Variants in PPP1R21 observed in about 807,000 individuals in gnomAD.
PPP1R21 encodes the protein protein phosphatase 1 regulatory subunit 21, also known as KLRAQ motif containing 1.
A neutral mutation model predicts 112.8 loss-of-function variants in PPP1R21; 85 were observed. The observed-to-expected ratio is 0.75, with a 90% CI of 0.63 to 0.90. The LOEUF (loss-of-function observed/expected upper bound fraction) is 0.90, where lower values mean the gene tolerates loss of function less well. Among genes scored for constraint, PPP1R21 ranks in the 40% least tolerant of loss-of-function variants. PPP1R21 has a pLI of 0.00. For missense variants in PPP1R21, 1,199 were observed against 901.5 expected, an observed-to-expected ratio of 1.33 and a Z score of -4.23; for synonymous variants, 381 against 322.3, an observed-to-expected ratio of 1.18 and a Z score of -1.95.
At chr2:48,482,176 A>G (rs59356309) in intron 13 of PPP1R21, among the ~76,000 whole-genome samples, 20,647 of 152,252 alleles carry the variant, frequency 0.14, 1,959 homozygotes, top group East Asian at 0.47. Flanking sequence ...TGTATCCTAC[A>G]TGGAATTAAA....
intron 12 of PPP1R21, among the ~76,000 whole-genome samples, chr2:48,478,297 G>C (rs1172362126): frequency 6.6e-6 from 1 of 152,190 alleles, no homozygotes; most frequent in Non-Finnish European, 1.5e-5. Flanking sequence ...AGGGAGTATT[G>C]CCATCTAAGC....
At chr2:48,471,536 T>C in intron 11 of PPP1R21, 169 bp downstream of exon 11, 1 of 635,932 alleles carries the variant, frequency 1.6e-6, no homozygotes. Context: ...CAGCATTAAC[T>C]TAAATTTAAG....
intron 1 of PPP1R21, among the ~76,000 whole-genome samples, chr2:48,442,124 T>C (rs1431656269): frequency 6.6e-6 from 1 of 152,172 alleles, no homozygotes; most frequent in Non-Finnish European, 1.5e-5. Flanking sequence ...TGTGGCACAA[T>C]GTTAGTGATG....
intron 16 of PPP1R21, among the ~76,000 whole-genome samples, chr2:48,496,747 G>A (rs1175896582): frequency 2.0e-5 from 3 of 152,338 alleles, no homozygotes; most frequent in East Asian, 1.9e-4. Flanking sequence ...GATTACAGTC[G>A]TGAGCCATTG....
At chr2:48,485,837 A>T (rs1242239782) in intron 13 of PPP1R21, among the ~76,000 whole-genome samples, 2 of 148,928 alleles carry the variant, frequency 1.3e-5, no homozygotes, top group African/African-American at 2.4e-5. Context: ...ATGTTTTGTG[A>T]TTGACATATA....
intron 13 of PPP1R21, among the ~76,000 whole-genome samples, chr2:48,484,920 T>C (rs1408466119): frequency 1.3e-5 from 2 of 152,244 alleles, no homozygotes; most frequent in African/African-American, 4.8e-5. Context: ...TCAACCAAGA[T>C]TGCTTACCAA....
chr2:48,491,942 G>A (rs1053083115), intron 15 of PPP1R21, among the ~76,000 whole-genome samples: 21 of 152,108 alleles, frequency 1.4e-4, no homozygotes, highest in Admixed American at 5.2e-4. Flanking sequence ...TATAGACAGT[G>A]CACCCAGAGC....
Position 48,459,746 on chromosome 2 carries a change from C to G in PPP1R21, c.376-8C>G, listed in dbSNP as rs751840727. On this transcript the variant is annotated splice_region_variant and splice_polypyrimidine_tract_variant and intron_variant, in intron 4 of 21. Transcript: ENST00000294952. ...TTGTGAGAAGAGAAAATGGTCTTCT[C>G]TTTTTAGTTTTTTGAAGCTGATGAG... The G allele has an allele frequency of 3.1e-6, 5 of 1,608,038 alleles. No homozygotes were observed. The highest frequency in any genetic ancestry group is 1.1e-5 in the South Asian group (1 of 90,020).
At chr2:48,486,014 A>G (rs558697422) in intron 13 of PPP1R21, among the ~76,000 whole-genome samples, 1 of 149,064 alleles carries the variant, frequency 6.7e-6, no homozygotes, top group Non-Finnish European at 1.5e-5. Flanking sequence ...TAATTAATAC[A>G]TATGTGTATA....
At chr2:48,497,940 C>T (rs1365132872) in intron 16 of PPP1R21, among the ~76,000 whole-genome samples, 6 of 151,880 alleles carry the variant, frequency 4.0e-5, no homozygotes, top group African/African-American at 1.2e-4. Flanking sequence ...CATGAGCCAC[C>T]GTGCCTGGCC....
At chr2:48,501,072 A>G (rs1487063710) in intron 17 of PPP1R21, among the ~76,000 whole-genome samples, 1 of 152,212 alleles carries the variant, frequency 6.6e-6, no homozygotes, top group East Asian at 1.9e-4. Flanking sequence ...CAAGTCCTGC[A>G]TGTTGCCTCT....
At chr2:48,462,586 G>A (rs896147919) in intron 7 of PPP1R21, among the ~76,000 whole-genome samples, 49 of 152,176 alleles carry the variant, frequency 3.2e-4, no homozygotes, top group African/African-American at 1.0e-3. Flanking sequence ...ATGCCCTCAG[G>A]AGCAGTAATC....
chr2:48,505,091 C>T (rs748745621), intron 17 of PPP1R21, among the ~76,000 whole-genome samples: 33 of 152,290 alleles, frequency 2.2e-4, no homozygotes, highest in African/African-American at 6.0e-4. Flanking sequence ...TTTATGCTTA[C>T]TCATGTCATA....
intron 15 of PPP1R21, among the ~76,000 whole-genome samples, chr2:48,493,011 C>CTTTT (rs746795481): frequency 6.2e-4 from 60 of 96,666 alleles, no homozygotes; most frequent in South Asian, 1.1e-3. Flanking sequence ...GGTCATTTAC[C>CTTTT]TTTTTTTTTT....
chr2:48,456,035 AAT>A (rs36030753), intron 3 of PPP1R21, among the ~76,000 whole-genome samples: 73,455 of 100,006 alleles, frequency 0.73, 24,508 homozygotes, highest in Middle Eastern at 0.83. Flanking sequence ...AAAAAAAAAA[AAT>A]AGTAGCAGTT....
At chr2:48,508,475 GT>G (rs536579932) in intron 19 of PPP1R21, among the ~76,000 whole-genome samples, 131 of 152,314 alleles carry the variant, frequency 8.6e-4, no homozygotes, top group African/African-American at 3.1e-3. Flanking sequence ...TTAGCTCAGT[GT>G]TGTTCACAAG....
chr2:48,468,604 G>A (rs1668309162), intron 9 of PPP1R21, among the ~76,000 whole-genome samples: 1 of 152,076 alleles, frequency 6.6e-6, no homozygotes, highest in Admixed American at 6.6e-5. Flanking sequence ...CTTGACCTCA[G>A]GAGTTCAAGA....
Position 48,451,018 on chromosome 2 carries a change from A to T in PPP1R21, c.68A>T (p.Gln23Leu). ...LAQEYSKLRA[Q>L]NQVLKKGVVD... The stretch of plus-strand genomic sequence containing the variant: ...TTTCTCTGTTTTCAGCTTCGGGCTC[A>T]GAATCAGGTTCTGAAAAAAGGTGTT... The change falls in exon 2 of 22, where the codon CAG becomes CTG. Residue 23 changes from glutamine to leucine, a missense_variant. By Grantham distance (113) the Gln-to-Leu change is moderately radical. Transcript: ENST00000294952. 6.2e-7 allele frequency: 1 copy of T among 1,613,734 alleles called. No homozygotes were observed. Among genetic ancestry groups the T allele is most frequent in the Middle Eastern group, 1.6e-4 (1 of 6,062 alleles).
chr2:48,485,307 T>TAAA lies in PPP1R21; in HGVS notation c.1319-1315_1319-1313dup, dbSNP rs200855085. On this transcript the variant is annotated intron_variant, in intron 13 of 21. Coordinates refer to ENST00000294952, the MANE Select transcript of PPP1R21 (RefSeq NM_001135629.3). Reference sequence around the variant, plus strand: ...AACTCCCTGCCTCTAAAATAAAATGTAAAAAAAAAAACAAAAAGCATTCAG... The same window carrying TAAA: ...AACTCCCTGCCTCTAAAATAAAATGTAAAAAAAAAAAAAACAAAAAGCATTCAG... Among the ~76,000 whole-genome samples the TAAA allele has an allele frequency of 2.0e-5, 3 of 146,724 alleles. No homozygotes were observed. The Admixed American group carries it at 2.1e-4, about 10-fold the overall frequency.
Sources: allele counts gnomAD v4.1 joint callset (sites outside exome capture counted in the v4.1 genomes callset), GRCh38; gene constraint gnomAD v4.1.1; transcripts MANE v1.5; gene names NCBI Gene and HGNC (gene_info 2026-07-23, HGNC 2026-07-21).